The following ZNF704 variants were observed in gnomAD, a reference collection of about 807,000 sequenced individuals.
The protein encoded by ZNF704 is zinc finger protein 704, also known as glucocorticoid induced gene 1.
Under a neutral mutation model 44.7 loss-of-function variants are expected in ZNF704, and 10 were observed. The observed-to-expected ratio is 0.22, with a 90% confidence interval of 0.14 to 0.38. The LOEUF (loss-of-function observed/expected upper bound fraction) is 0.38, where lower values mean the gene tolerates loss of function less well. Ranked by LOEUF, ZNF704 falls within the 10% of genes least tolerant of loss-of-function variation. The probability of loss-of-function intolerance (pLI) is 1.00; values close to 1 mark genes in which losing one functional copy is unlikely to be tolerated. For missense variants in ZNF704, 390 were observed against 545.5 expected (o/e 0.71, Z 2.84); for synonymous variants, 211 against 207.6 (o/e 1.02, Z -0.14).
intron 1 of ZNF704, among the ~76,000 whole-genome samples, chr8:80,847,861 C>G (rs76387842): frequency 0.012 from 1,797 of 152,290 alleles, 33 homozygotes; most frequent in African/African-American, 0.041. Flanking sequence ...CTATGGAAAG[C>G]ACTGTGACAT....
chr8:80,730,823 T>C (rs1296403574), intron 2 of ZNF704, among the ~76,000 whole-genome samples: 1 of 152,022 alleles, frequency 6.6e-6, no homozygotes, highest in East Asian at 1.9e-4. Flanking sequence ...ACAACATGAG[T>C]TGAATTAGTT....
At chr8:80,698,657 A>G (rs940662107) in intron 2 of ZNF704, among the ~76,000 whole-genome samples, 1 of 152,196 alleles carries the variant, frequency 6.6e-6, no homozygotes, top group Admixed American at 6.5e-5. Context: ...CCAATCTTTT[A>G]TCTGAGGAAT....
chr8:80,773,672 T>A (rs1190048802), intron 2 of ZNF704, among the ~76,000 whole-genome samples: 1 of 152,228 alleles, frequency 6.6e-6, no homozygotes, highest in Admixed American at 6.5e-5. Flanking sequence ...TTGTGATTCA[T>A]TACTGAAGGA....
At chr8:80,646,581 G>A (rs903394098) in intron 7 of ZNF704, among the ~76,000 whole-genome samples, 1 of 152,128 alleles carries the variant, frequency 6.6e-6, no homozygotes, top group Non-Finnish European at 1.5e-5. Context: ...GCTAAAGTTG[G>A]GTGGAGCAAG....
At position 80,639,971 on chromosome 8, in the gene ZNF704, C is replaced by T. The variant is rs1817718039; in HGVS notation, c.*1395G>A. 2 of 152,510 alleles carry T rather than the reference C, an allele frequency of 1.3e-5. No individual in the cohort carries two copies. The highest frequency in any genetic ancestry group is 2.9e-5 in the Non-Finnish European group (2 of 68,032). The allele number at this position is 152,510 out of a possible 1,614,324, so 9.4% of individuals were successfully genotyped here. A position where few individuals can be genotyped will look rare whatever the true frequency, so the allele number is the denominator to read the frequency against. On this transcript the variant is annotated 3_prime_UTR_variant, in exon 9 of 9. Transcript: ENST00000327835. Reference sequence around the variant, plus strand: ...ATAGAGAATGAGCTTATTTATAGGGCTTGACGACTCCCCTCTCCCCACACC... The same window carrying T: ...ATAGAGAATGAGCTTATTTATAGGGTTTGACGACTCCCCTCTCCCCACACC...
rs1211036947 is a variant in ZNF704, at chr8:80,637,121, A to C, written c.*4245T>G. 1 of 127,826 alleles carries C rather than the reference A, an allele frequency of 7.8e-6. No individual in the cohort carries two copies. Among genetic ancestry groups the C allele is most frequent in the Non-Finnish European group, 1.6e-5 (1 of 64,056 alleles). 7.9% of individuals were successfully genotyped at this position (127,826 alleles called of 1,614,324 possible). On this transcript the variant is annotated 3_prime_UTR_variant, in exon 9 of 9. Coordinates refer to ENST00000327835, the MANE Select transcript of ZNF704 (RefSeq NM_001033723.3). ...TAGCCTTAGGCTACAGGTCAGCTCCAAACCGTTTTCCCAGGGCACTCCCCT... is the reference window on the plus strand; with the variant it reads ...TAGCCTTAGGCTACAGGTCAGCTCCCAACCGTTTTCCCAGGGCACTCCCCT...
chr8:80,777,046 T>G (rs180796125), intron 2 of ZNF704: 1 of 152,246 alleles, frequency 6.6e-6, no homozygotes, highest in Admixed American at 6.5e-5. Context: ...CTTTTTATAT[T>G]TATTTATTTA....
At chr8:80,722,188 C>G (rs1563531131) in intron 2 of ZNF704, among the ~76,000 whole-genome samples, 1 of 151,440 alleles carries the variant, frequency 6.6e-6, no homozygotes, top group Non-Finnish European at 1.5e-5. Flanking sequence ...TTCAGTGAGC[C>G]AAGATGAGGC....
intron 2 of ZNF704, among the ~76,000 whole-genome samples, chr8:80,806,082 C>G (rs1405158920): frequency 6.6e-6 from 1 of 152,154 alleles, no homozygotes; most frequent in Non-Finnish European, 1.5e-5. Flanking sequence ...ATCTCTTCTT[C>G]TCAAACAAGA....
intron 2 of ZNF704, among the ~76,000 whole-genome samples, chr8:80,737,733 G>A (rs1278900050): frequency 2.0e-5 from 3 of 152,094 alleles, no homozygotes; most frequent in African/African-American, 7.2e-5. Context: ...AGGAAAGGTT[G>A]CAAAAATAAT....
chr8:80,664,497 C>T (rs1053321943), intron 6 of ZNF704, among the ~76,000 whole-genome samples: 41 of 151,390 alleles, frequency 2.7e-4, no homozygotes, highest in Non-Finnish European at 8.8e-5. Context: ...TCTCGAACTC[C>T]CGACCTCAGG....
chr8:80,704,751 G>A (rs1240961802), intron 2 of ZNF704, among the ~76,000 whole-genome samples: 2 of 152,218 alleles, frequency 1.3e-5, no homozygotes, highest in Non-Finnish European at 2.9e-5. Context: ...CCCCCAGGAA[G>A]GGCAGAGAAA....
chr8:80,783,675 T>A (rs1328103386), intron 2 of ZNF704, among the ~76,000 whole-genome samples: 3 of 152,146 alleles, frequency 2.0e-5, no homozygotes, highest in Non-Finnish European at 2.9e-5. Flanking sequence ...TCCCTCAACC[T>A]GTACAACCTT....
At chr8:80,768,461 T>C (rs1194254677) in intron 2 of ZNF704, among the ~76,000 whole-genome samples, 2 of 152,194 alleles carry the variant, frequency 1.3e-5, no homozygotes, top group Admixed American at 6.5e-5. Context: ...CAAAAAGGTT[T>C]GTATTCAATA....
intron 2 of ZNF704, among the ~76,000 whole-genome samples, chr8:80,806,420 C>G (rs936171209): frequency 6.6e-6 from 1 of 152,114 alleles, no homozygotes; most frequent in African/African-American, 2.4e-5. Flanking sequence ...CAGCTATTAT[C>G]TGGACTAAAT....
intron 2 of ZNF704, among the ~76,000 whole-genome samples, chr8:80,728,446 G>T (rs187354640): frequency 1.3e-5 from 2 of 152,160 alleles, no homozygotes; most frequent in Non-Finnish European, 2.9e-5. Flanking sequence ...TATCTTCCAC[G>T]CCTGGCATTT....
chr8:80,681,237 C>T (rs767689258), intron 4 of ZNF704, among the ~76,000 whole-genome samples: 2 of 151,946 alleles, frequency 1.3e-5, no homozygotes, highest in Non-Finnish European at 2.9e-5. Context: ...AAATACATAC[C>T]TAAGAGTGGA....
At chr8:80,858,979 G>A (rs1809013354) in intron 1 of ZNF704, among the ~76,000 whole-genome samples, 1 of 152,140 alleles carries the variant, frequency 6.6e-6, no homozygotes, top group Admixed American at 6.5e-5. Context: ...AAGCTGTTTG[G>A]TGGTGTTATT....
intron 7 of ZNF704, among the ~76,000 whole-genome samples, chr8:80,649,565 T>C (rs1286197733): frequency 1.3e-5 from 2 of 152,140 alleles, no homozygotes; most frequent in African/African-American, 4.8e-5. Context: ...CCTCACTCAT[T>C]GCTACCACAG....
Sources: allele counts gnomAD v4.1 joint callset (sites outside exome capture counted in the v4.1 genomes callset), GRCh38; gene constraint gnomAD v4.1.1; transcripts MANE v1.5; gene names NCBI Gene and HGNC (gene_info 2026-07-23, HGNC 2026-07-21).